The following EDIL3 variants were observed in gnomAD, a reference collection of about 807,000 sequenced individuals.
EDIL3 encodes EGF-like repeat and discoidin I-like domain-containing protein 3.
EDIL3 carries 37 observed loss-of-function variants against 67.4 expected under a neutral mutation model. That is an observed-to-expected ratio of 0.55 (90% confidence interval 0.42 to 0.72). The LOEUF (loss-of-function observed/expected upper bound fraction) is 0.72. Among genes scored for constraint, EDIL3 ranks in the 30% least tolerant of loss-of-function variants. The pLI, the probability that EDIL3 is intolerant of heterozygous loss-of-function variation, is 0.00. For missense variants in EDIL3, 527 were observed against 586.3 expected, an observed-to-expected ratio of 0.90 and a Z score of 1.04; for synonymous variants, 195 against 196.3, an observed-to-expected ratio of 0.99 and a Z score of 0.05.
At chr5:84,011,248 C>T (rs1238852259) in intron 9 of EDIL3, among the ~76,000 whole-genome samples, 4 of 152,258 alleles carry the variant, frequency 2.6e-5, no homozygotes, top group African/African-American at 4.8e-5. Context: ...TTTCTCTAAT[C>T]TTCTGTATCT....
intron 3 of EDIL3, among the ~76,000 whole-genome samples, chr5:84,199,666 T>C (rs188353167): frequency 2.0e-5 from 3 of 152,104 alleles, no homozygotes; most frequent in Admixed American, 1.3e-4. Context: ...ATCAAGTTTA[T>C]TTTTTATTTG....
At chr5:84,118,327 T>A (rs552617112) in intron 5 of EDIL3, among the ~76,000 whole-genome samples, 5 of 152,184 alleles carry the variant, frequency 3.3e-5, no homozygotes, top group Admixed American at 2.0e-4. Context: ...GCTACATAGA[T>A]AAAAGATAAA....
At chr5:84,211,512 G>A (rs999778398) in intron 3 of EDIL3, among the ~76,000 whole-genome samples, 26 of 152,088 alleles carry the variant, frequency 1.7e-4, no homozygotes, top group African/African-American at 6.3e-4. Flanking sequence ...CTTGAGATGG[G>A]ATCATCCTAG....
chr5:84,239,298 A>G (rs1263532913), intron 2 of EDIL3, among the ~76,000 whole-genome samples: 1 of 152,222 alleles, frequency 6.6e-6, no homozygotes, highest in East Asian at 1.9e-4. Flanking sequence ...AGTAATGAGA[A>G]TGGAAACAGT....
chr5:84,028,477 A>G (rs899980450), intron 9 of EDIL3, among the ~76,000 whole-genome samples: 14 of 152,178 alleles, frequency 9.2e-5, no homozygotes, highest in Non-Finnish European at 2.9e-5. Context: ...CGTTAGTCAT[A>G]TGGCCTTGAG....
chr5:84,014,642 T>TCAAACAAA (rs144953064), intron 9 of EDIL3, among the ~76,000 whole-genome samples: 18 of 151,948 alleles, frequency 1.2e-4, no homozygotes, highest in Non-Finnish European at 1.6e-4. Flanking sequence ...AGACTCCGTC[T>TCAAACAAA]CAAACAAACA....
chr5:84,241,280 A>G (rs1436486235), intron 2 of EDIL3, among the ~76,000 whole-genome samples: 2 of 152,196 alleles, frequency 1.3e-5, no homozygotes, highest in African/African-American at 2.4e-5. Flanking sequence ...GGAAGATCCT[A>G]ATGTTCTTTT....
At chr5:84,006,078 TTAATAATAA>T (rs142039045) in intron 9 of EDIL3, among the ~76,000 whole-genome samples, 96 of 139,840 alleles carry the variant, frequency 6.9e-4, no homozygotes, top group African/African-American at 2.1e-3. Context: ...CACAATAGCA[TTAATAATAA>T]TAATAATAAT....
intron 9 of EDIL3, 34 bp downstream of exon 9, chr5:84,060,266 C>T (rs957021240): frequency 6.2e-7 from 1 of 1,605,474 alleles, no homozygotes; most frequent in Admixed American, 1.7e-5. Flanking sequence ...GAAAGAGGAA[C>T]AGTGGGTAGT....
At chr5:83,950,566 C>A (rs986868592) in intron 10 of EDIL3, among the ~76,000 whole-genome samples, 7 of 151,842 alleles carry the variant, frequency 4.6e-5, no homozygotes, top group African/African-American at 1.7e-4. Context: ...CCTCAAAGGA[C>A]AATCCATTGA....
intron 4 of EDIL3, among the ~76,000 whole-genome samples, chr5:84,165,078 T>G (rs2112343374): frequency 6.6e-6 from 1 of 152,142 alleles, no homozygotes; most frequent in South Asian, 2.1e-4. Flanking sequence ...GAAAATAAAT[T>G]AAGGAAGTTA....
intron 9 of EDIL3, among the ~76,000 whole-genome samples, chr5:83,979,696 C>T (rs1160046033): frequency 6.6e-6 from 1 of 151,848 alleles, no homozygotes; most frequent in African/African-American, 2.4e-5. Context: ...AGAAAGGTAC[C>T]CATGGTAGCT....
intron 9 of EDIL3, among the ~76,000 whole-genome samples, chr5:84,025,657 G>A (rs1312915432): frequency 6.6e-6 from 1 of 152,248 alleles, no homozygotes; most frequent in Middle Eastern, 3.4e-3. Context: ...TCTGCTTCTA[G>A]TACTACCTCT....
intron 9 of EDIL3, among the ~76,000 whole-genome samples, chr5:83,978,297 C>T (rs920795298): frequency 2.6e-5 from 4 of 151,878 alleles, no homozygotes; most frequent in Non-Finnish European, 4.4e-5. Flanking sequence ...GGCATCTACA[C>T]AGAGATTGAA....
At chr5:83,986,623 G>T (rs1309817860) in intron 9 of EDIL3, among the ~76,000 whole-genome samples, 9 of 152,058 alleles carry the variant, frequency 5.9e-5, no homozygotes, top group African/African-American at 2.2e-4. Context: ...CCCTTGTGGG[G>T]TCTGAGTATA....
intron 10 of EDIL3, among the ~76,000 whole-genome samples, chr5:83,955,764 ATTG>A (rs1245319488): frequency 1.2e-4 from 18 of 151,740 alleles, no homozygotes; most frequent in Non-Finnish European, 2.1e-4. Flanking sequence ...CTACCACCTA[ATTG>A]TTGTTAGACA....
At chr5:84,340,889 C>T (rs979006971) in intron 1 of EDIL3, among the ~76,000 whole-genome samples, 1 of 151,684 alleles carries the variant, frequency 6.6e-6, no homozygotes, top group African/African-American at 2.4e-5. Flanking sequence ...TTTCCTCCTG[C>T]CACAGGGCTT....
chr5:84,279,352 T>C (rs1745651071), intron 1 of EDIL3, among the ~76,000 whole-genome samples: 1 of 152,174 alleles, frequency 6.6e-6, no homozygotes, highest in Admixed American at 6.5e-5. Flanking sequence ...TGCTAAAAAC[T>C]GTTTACTTAT....
intron 4 of EDIL3, among the ~76,000 whole-genome samples, chr5:84,165,893 C>T (rs985248406): frequency 1.7e-4 from 26 of 152,152 alleles, no homozygotes; most frequent in Non-Finnish European, 2.9e-5. Flanking sequence ...GCAAATGCAA[C>T]AGAACCCTGC....
Sources: gnomAD v4.1 joint callset for allele counts (sites outside exome capture counted in the v4.1 genomes callset) on GRCh38, gnomAD v4.1.1 for gene constraint, MANE v1.5 for transcripts, NCBI Gene and HGNC (gene_info 2026-07-23, HGNC 2026-07-21) for gene names.